The following CSTF3 variants were observed in gnomAD, a reference collection of about 807,000 sequenced individuals.
The protein encoded by CSTF3 is cleavage stimulation factor subunit 3, also known as CF-1 77 kDa subunit.
CSTF3 carries 29 observed loss-of-function variants against 105.8 expected under a neutral mutation model. That is an observed-to-expected ratio of 0.27 (90% confidence interval 0.20 to 0.37). The LOEUF (loss-of-function observed/expected upper bound fraction) is 0.37, where lower values mean the gene tolerates loss of function less well. Among genes scored for constraint, CSTF3 ranks in the 10% least tolerant of loss-of-function variants. The pLI is 1.00. For missense variants in CSTF3, 357 were observed against 879.3 expected, an observed-to-expected ratio of 0.41 and a Z score of 7.51; for synonymous variants, 252 against 281.9, an observed-to-expected ratio of 0.89 and a Z score of 1.06.
chr11:33,136,205 T>C (rs952152504), intron 3 of CSTF3: 4 of 152,402 alleles, frequency 2.6e-5, no homozygotes, highest in African/African-American at 9.7e-5. Flanking sequence ...TTCAAACTGT[T>C]GTGGATTCTG....
intron 15 of CSTF3, among the ~76,000 whole-genome samples, chr11:33,093,527 T>G (rs1855189027): frequency 1.3e-5 from 2 of 152,224 alleles, no homozygotes; most frequent in South Asian, 4.1e-4. Context: ...TGGAATTTAA[T>G]AAAATGGGTA....
Position 33,090,676 on chromosome 11 carries a change from A to G in CSTF3, c.1497T>C (p.Ala499=), listed in dbSNP as rs35658364. 4.6e-5 allele frequency: 73 copies of G among 1,587,636 alleles called. No individual in the cohort carries two copies. The African/African-American group carries it at 8.9e-4, about 19-fold the overall frequency. ...GTCTTTTCTCCACTTTGAGTATACT[A>G]GCTAGATCACCAATATTACTTTCAA... is the stretch of plus-strand genomic sequence containing the variant. ...LAFESNIGDL[A]SILKVEKRRF... Residue 499 remains alanine, a synonymous_variant, in exon 17 of 21, where the codon GCT becomes GCC. Transcript: ENST00000323959.
At chr11:33,141,094 TTAAA>T (rs1855706249) in intron 3 of CSTF3, 1 of 152,048 alleles carries the variant, frequency 6.6e-6, no homozygotes, top group Admixed American at 6.6e-5. Flanking sequence ...AAAATTATGA[TTAAA>T]TAGGATTAAA....
At chr11:33,092,173 T>C in intron 16 of CSTF3, 98 bp downstream of exon 16, 2 of 724,196 alleles carry the variant, frequency 2.8e-6, no homozygotes, top group Non-Finnish European at 4.3e-6. Context: ...AAATTTCTCT[T>C]GAAACTCATA....
rs1234004963 is a variant in CSTF3, at chr11:33,154,487, CTTTCTTTTTTTTT to C, written c.27+6799_27+6811del. Among the ~76,000 whole-genome samples, 125 of 30,636 alleles carry C rather than the reference CTTTCTTTTTTTTT, an allele frequency of 4.1e-3. 1 individual carries two copies. The highest frequency in any genetic ancestry group is 8.8e-3 in the Non-Finnish European group (92 of 10,446). 20.1% of individuals were successfully genotyped at this position (30,636 alleles called of 152,430 possible). A position where few individuals can be genotyped will look rare whatever the true frequency, so the allele number is the denominator to read the frequency against. ...TAGACCGGAGTAGCACTCCGTAAGA[CTTTCTTTTTTTTT>C]TTTTTTTTTTTTTTGAGATGAAGTC... On this transcript the variant is annotated intron_variant, in intron 1 of 20. Transcript: ENST00000323959.
At chr11:33,161,253 C>G in intron 1 of CSTF3, 46 bp downstream of exon 1, 1 of 1,609,606 alleles carries the variant, frequency 6.2e-7, no homozygotes, top group Non-Finnish European at 8.5e-7. Context: ...GAGGAACAGA[C>G]GTGGAGAAGA....
chr11:33,146,102 G>A (rs1855779425), intron 1 of CSTF3, among the ~76,000 whole-genome samples: 1 of 151,922 alleles, frequency 6.6e-6, no homozygotes, highest in East Asian at 1.9e-4. Flanking sequence ...GCTGGGAGTG[G>A]TGGTGCACAC....
intron 4 of CSTF3, 43 bp from the exon 5 acceptor site, chr11:33,108,043 T>C (rs779443450): frequency 2.4e-6 from 3 of 1,265,254 alleles, no homozygotes; most frequent in East Asian, 4.9e-5. Flanking sequence ...GTTAAATAAA[T>C]TTCACATGGA....
At chr11:33,129,437 A>G (rs1855576571) in intron 3 of CSTF3, among the ~76,000 whole-genome samples, 1 of 152,048 alleles carries the variant, frequency 6.6e-6, no homozygotes, top group Admixed American at 6.6e-5. Flanking sequence ...ACCTATAAAA[A>G]TATACAGATG....
At chr11:33,086,863 CATAGTGATCCTAAGTCTA>C in intron 18 of CSTF3, 107 bp downstream of exon 18, 9 of 1,068,724 alleles carry the variant, frequency 8.4e-6, no homozygotes, top group Non-Finnish European at 1.3e-5. Context: ...AATCACTTGT[CATAGTGATCCTAAGTCTA>C]ATAATTAACC....
intron 3 of CSTF3, among the ~76,000 whole-genome samples, chr11:33,122,874 C>T (rs1178953325): frequency 7.3e-6 from 1 of 136,740 alleles, no homozygotes; most frequent in Non-Finnish European, 1.5e-5. Flanking sequence ...CGTGATCACA[C>T]ACTGCACTCC....
Position 33,096,818 on chromosome 11 carries a change from T to G in CSTF3, c.1272+17A>C. The stretch of plus-strand genomic sequence containing the variant: ...AAGGAAGTTGTTTTATCTTTACACT[T>G]GTATTTCAGTATTTACCTTACTACA... On this transcript the variant is annotated intron_variant, in intron 14 of 20. Transcript: ENST00000323959. The G allele has an allele frequency of 3.1e-6, 5 of 1,593,832 alleles. No homozygotes were observed. The highest frequency in any genetic ancestry group is 4.3e-6 in the Non-Finnish European group (5 of 1,173,306).
chr11:33,119,898 G>A (rs914845631), intron 3 of CSTF3, among the ~76,000 whole-genome samples: 5 of 151,392 alleles, frequency 3.3e-5, no homozygotes, highest in African/African-American at 1.2e-4. Context: ...AATAATCATC[G>A]TTTTCCCCAA....
intron 3 of CSTF3, among the ~76,000 whole-genome samples, chr11:33,132,433 C>T (rs570498601): frequency 9.9e-5 from 15 of 152,146 alleles, no homozygotes; most frequent in African/African-American, 2.9e-4. Flanking sequence ...TACTACATTG[C>T]CCAGGCTGGT....
At chr11:33,109,666 T>C (rs111639282) in intron 3 of CSTF3, among the ~76,000 whole-genome samples, 352 of 152,308 alleles carry the variant, frequency 2.3e-3, no homozygotes, top group African/African-American at 8.2e-3. Context: ...CTTTAGAATA[T>C]TGCCTAGCAG....
intron 16 of CSTF3, 119 bp downstream of exon 16, chr11:33,092,152 A>G: frequency 3.2e-6 from 2 of 621,038 alleles, no homozygotes; most frequent in Middle Eastern, 2.6e-4. Context: ...ATAAAACTTG[A>G]GAAGGAAAGG....
intron 3 of CSTF3, among the ~76,000 whole-genome samples, chr11:33,138,337 C>A (rs746281075): frequency 2.0e-4 from 31 of 151,792 alleles, no homozygotes; most frequent in Non-Finnish European, 4.3e-4. Flanking sequence ...CACCTAATTA[C>A]ATGAAAAGCT....
intron 8 of CSTF3, among the ~76,000 whole-genome samples, chr11:33,104,151 G>A (rs370056544): frequency 3.9e-5 from 6 of 152,226 alleles, no homozygotes; most frequent in African/African-American, 1.4e-4. Flanking sequence ...AACTAGTTCT[G>A]TTGTATAACA....
chr11:33,085,402 G>A, intron 20 of CSTF3, 113 bp from the exon 21 acceptor site: 1 of 839,974 alleles, frequency 1.2e-6, no homozygotes, highest in East Asian at 2.7e-5. Flanking sequence ...ACATGGGATA[G>A]TACTACTGAT....
Sources: gnomAD v4.1 joint callset for allele counts (sites outside exome capture counted in the v4.1 genomes callset) on GRCh38, gnomAD v4.1.1 for gene constraint, MANE v1.5 for transcripts, NCBI Gene and HGNC (gene_info 2026-07-23, HGNC 2026-07-21) for gene names.